Variants in ABTB3 observed in about 807,000 individuals in gnomAD.
ABTB3 encodes ankyrin repeat- and BTB/POZ domain-containing protein 3.
the ABTB3 span, among the ~76,000 whole-genome samples, chr12:107,537,832 G>A: frequency 1.3e-4 from 20 of 152,312 alleles, no homozygotes; most frequent in African/African-American, 4.6e-4. Context: ...CAGTTTTTCA[G>A]AGTCCCCAGG....
At chr12:107,552,541 G>A in the ABTB3 span, among the ~76,000 whole-genome samples, 47 of 152,238 alleles carry the variant, frequency 3.1e-4, no homozygotes, top group South Asian at 1.5e-3. Context: ...TTGTTGATTT[G>A]TGCCATTGGA....
chr12:107,318,779 C>A, the ABTB3 span: 2 of 784,498 alleles, frequency 2.5e-6, no homozygotes, highest in South Asian at 1.8e-5. Flanking sequence ...GGCGGCAGTT[C>A]CGGGAGGCAG....
At chr12:107,346,318 G>A in the ABTB3 span, among the ~76,000 whole-genome samples, 1 of 152,170 alleles carries the variant, frequency 6.6e-6, no homozygotes. Context: ...CCCATTGAAG[G>A]AAGTTAGGGG....
the ABTB3 span, among the ~76,000 whole-genome samples, chr12:107,421,443 G>A: frequency 6.6e-6 from 1 of 152,138 alleles, no homozygotes; most frequent in South Asian, 2.1e-4. Context: ...CCCGCTCTGT[G>A]CCTCTTTAAT....
chr12:107,480,875 A>G, the ABTB3 span, among the ~76,000 whole-genome samples: 5 of 152,352 alleles, frequency 3.3e-5, no homozygotes, highest in African/African-American at 1.2e-4. Context: ...CACTGCCTGC[A>G]TTACAAAACC....
At chr12:107,382,182 A>T in the ABTB3 span, among the ~76,000 whole-genome samples, 1 of 152,230 alleles carries the variant, frequency 6.6e-6, no homozygotes, top group Non-Finnish European at 1.5e-5. Flanking sequence ...TGGGCATTCC[A>T]TAAGGGCCCC....
chr12:107,519,317 CT>C, the ABTB3 span, among the ~76,000 whole-genome samples: 4 of 138,920 alleles, frequency 2.9e-5, no homozygotes, highest in South Asian at 2.3e-4. Context: ...CTTTTCTTTT[CT>C]TTTTTTCTTT....
the ABTB3 span, among the ~76,000 whole-genome samples, chr12:107,346,045 C>T: frequency 6.6e-6 from 1 of 152,196 alleles, no homozygotes; most frequent in Non-Finnish European, 1.5e-5. Flanking sequence ...GTCTCTTTGT[C>T]ATTAAGTAGC....
At chr12:107,605,285 C>T in the ABTB3 span, among the ~76,000 whole-genome samples, 1 of 152,194 alleles carries the variant, frequency 6.6e-6, no homozygotes, top group Admixed American at 6.5e-5. Context: ...GGTCCTGCCC[C>T]TCGGAGGCTG....
the ABTB3 span, among the ~76,000 whole-genome samples, chr12:107,326,046 C>G: frequency 7.2e-5 from 11 of 152,176 alleles, no homozygotes; most frequent in Non-Finnish European, 1.6e-4. Context: ...ACTGGGATTA[C>G]AGGCATGCGC....
the ABTB3 span, among the ~76,000 whole-genome samples, chr12:107,375,304 G>A: frequency 6.6e-6 from 1 of 152,054 alleles, no homozygotes; most frequent in Non-Finnish European, 1.5e-5. Context: ...TGTGATCCTG[G>A]CTACCCAGGA....
chr12:107,627,322 C>G, the ABTB3 span, among the ~76,000 whole-genome samples: 1 of 152,198 alleles, frequency 6.6e-6, no homozygotes, highest in Non-Finnish European at 1.5e-5. Context: ...AAGTGACCTG[C>G]CCCAGGCACT....
chr12:107,367,616 C>T, the ABTB3 span, among the ~76,000 whole-genome samples: 4 of 152,182 alleles, frequency 2.6e-5, no homozygotes, highest in Non-Finnish European at 4.4e-5. Context: ...AAGCGATTCT[C>T]GTGCCTCAGC....
chr12:107,485,062 A>G, the ABTB3 span, among the ~76,000 whole-genome samples: 1 of 152,184 alleles, frequency 6.6e-6, no homozygotes, highest in African/African-American at 2.4e-5. Context: ...CTTTCCATGC[A>G]TGTAAGAACC....
At chr12:107,543,223 C>A in the ABTB3 span, among the ~76,000 whole-genome samples, 2 of 151,084 alleles carry the variant, frequency 1.3e-5, no homozygotes, top group Non-Finnish European at 2.9e-5. Context: ...GTAGTCCCAG[C>A]TACTCAAGAG....
the ABTB3 span, among the ~76,000 whole-genome samples, chr12:107,623,100 G>A: frequency 7.1e-6 from 1 of 141,108 alleles, no homozygotes; most frequent in Non-Finnish European, 1.5e-5. Flanking sequence ...TTGCTCTGTT[G>A]CCCAGGCTGG....
At chr12:107,337,482 T>A in the ABTB3 span, among the ~76,000 whole-genome samples, 2 of 152,230 alleles carry the variant, frequency 1.3e-5, no homozygotes, top group Admixed American at 6.5e-5. Flanking sequence ...CTGGTTCCCA[T>A]GTACCAGATT....
chr12:107,446,418 A>T, the ABTB3 span, among the ~76,000 whole-genome samples: 2 of 152,060 alleles, frequency 1.3e-5, no homozygotes, highest in African/African-American at 4.8e-5. Flanking sequence ...GCTGATGGGG[A>T]GGGGGACCAG....
chr12:107,628,457 G>T, the ABTB3 span, among the ~76,000 whole-genome samples: 1 of 152,220 alleles, frequency 6.6e-6, no homozygotes, highest in East Asian at 1.9e-4. Context: ...TGAGTTTCTT[G>T]ACATGGATTA....
Sources: allele counts gnomAD v4.1 joint callset (sites outside exome capture counted in the v4.1 genomes callset), GRCh38; gene constraint gnomAD v4.1.1; transcripts MANE v1.5; gene names NCBI Gene and HGNC (gene_info 2026-07-23, HGNC 2026-07-21).